USH2A: variants seen among roughly 807,000 people sequenced by gnomAD.
The protein encoded by USH2A is usherin.
A neutral mutation model predicts 538.9 loss-of-function variants in USH2A; 443 were observed. The ratio of observed to expected loss-of-function variants is 0.82; its 90% CI spans 0.76 to 0.89. USH2A has a LOEUF of 0.89. Among genes scored for constraint, USH2A ranks in the 40% least tolerant of loss-of-function variants. The pLI, the probability that USH2A is intolerant of heterozygous loss-of-function variation, is 0.00. For synonymous variants in USH2A, 2,413 were observed against 2,273.5 expected (o/e 1.06, Z -1.75); for missense variants, 6,633 against 6,324.8 (o/e 1.05, Z -1.65).
intron 58 of USH2A, among the ~76,000 whole-genome samples, chr1:215,754,360 G>A (rs766812233): frequency 5.9e-5 from 9 of 152,036 alleles, no homozygotes; most frequent in Non-Finnish European, 8.8e-5. Flanking sequence ...ATGTACTAAG[G>A]CTTAGTTTAT....
chr1:215,788,836 C>A (rs1038112194), intron 51 of USH2A, among the ~76,000 whole-genome samples: 1 of 152,042 alleles, frequency 6.6e-6, no homozygotes, highest in Admixed American at 6.5e-5. Context: ...TATTTTTATA[C>A]ATTAAGCTTT....
intron 37 of USH2A, among the ~76,000 whole-genome samples, chr1:215,939,675 G>T (rs1256219368): frequency 1.3e-5 from 2 of 152,088 alleles, no homozygotes; most frequent in African/African-American, 4.8e-5. Flanking sequence ...ATCCTATGGG[G>T]TTCTCTAGAT....
At chr1:215,774,171 T>G (rs1661389485) in intron 55 of USH2A, among the ~76,000 whole-genome samples, 1 of 152,156 alleles carries the variant, frequency 6.6e-6, no homozygotes, top group Admixed American at 6.5e-5. Flanking sequence ...AAGGGACTCT[T>G]GCATTGCACA....
intron 64 of USH2A, among the ~76,000 whole-genome samples, chr1:215,661,459 C>T (rs1325156579): frequency 2.0e-5 from 3 of 152,190 alleles, no homozygotes; most frequent in Non-Finnish European, 4.4e-5. Context: ...GCTCTTCCTA[C>T]TCCCTGGGTA....
chr1:216,269,096 C>T (rs190566081), intron 11 of USH2A, among the ~76,000 whole-genome samples: 2 of 152,058 alleles, frequency 1.3e-5, no homozygotes, highest in Admixed American at 1.3e-4. Context: ...AGAATTTAAA[C>T]CTTAGAAAGA....
At chr1:216,334,211 G>C (rs1455984665) in intron 4 of USH2A, among the ~76,000 whole-genome samples, 2 of 151,982 alleles carry the variant, frequency 1.3e-5, no homozygotes, top group Non-Finnish European at 2.9e-5. Context: ...AAAGAAAGCA[G>C]AGTGAACAAA....
chr1:215,842,666 G>A (rs2102820451), intron 46 of USH2A, among the ~76,000 whole-genome samples: 1 of 112,920 alleles, frequency 8.9e-6, no homozygotes, highest in South Asian at 3.0e-4. Flanking sequence ...CAGGGACATA[G>A]ATGGAGCTGG....
chr1:215,958,728 C>A (rs1168326783), intron 37 of USH2A, among the ~76,000 whole-genome samples: 1 of 151,932 alleles, frequency 6.6e-6, no homozygotes, highest in Admixed American at 6.6e-5. Context: ...AATGTAACCT[C>A]AAAAAAACCA....
chr1:215,899,640 G>C (rs1025306751), intron 40 of USH2A, among the ~76,000 whole-genome samples: 1 of 152,112 alleles, frequency 6.6e-6, no homozygotes, highest in Non-Finnish European at 1.5e-5. Flanking sequence ...ATGAGTAGAA[G>C]CAGGAAAATG....
chr1:215,859,584 A>G (rs1399868188), intron 44 of USH2A, among the ~76,000 whole-genome samples: 2 of 152,130 alleles, frequency 1.3e-5, no homozygotes, highest in African/African-American at 2.4e-5. Context: ...TAGAAGGCCA[A>G]CTTTTCATAT....
chr1:216,375,859 G>A (rs1057225056), intron 3 of USH2A, among the ~76,000 whole-genome samples: 13 of 151,956 alleles, frequency 8.6e-5, no homozygotes, highest in African/African-American at 2.2e-4. Context: ...GTTATTACTC[G>A]GTCTAATTTA....
chr1:216,324,565 T>C (rs2037691886), intron 6 of USH2A, among the ~76,000 whole-genome samples: 1 of 152,132 alleles, frequency 6.6e-6, no homozygotes, highest in Non-Finnish European at 1.5e-5. Flanking sequence ...AAGGATTTTA[T>C]AAATCAACAT....
At position 216,117,965 on chromosome 1, in the gene USH2A, T is replaced by C. The variant is rs372962663; in HGVS notation, c.4628-20752A>G. On this transcript the variant is annotated intron_variant, in intron 21 of 71. Coordinates refer to ENST00000307340, the MANE Select transcript of USH2A (RefSeq NM_206933.4). ...TCATTTTGTTAAGATATTTCTTTGG[T>C]AAAAGTGAAAAAAAAAGTGTGGGAA... Among the ~76,000 whole-genome samples, 14 of 151,806 alleles carry C rather than the reference T, an allele frequency of 9.2e-5. 1 individual carries two copies. Among genetic ancestry groups the C allele is most frequent in the Admixed American group, 3.3e-4 (5 of 15,220 alleles).
At chr1:216,278,396 A>AT (rs1046881462) in intron 11 of USH2A, among the ~76,000 whole-genome samples, 4 of 152,110 alleles carry the variant, frequency 2.6e-5, no homozygotes, top group Non-Finnish European at 5.9e-5. Flanking sequence ...GCTAAGATTA[A>AT]TTTTTCCCTT....
intron 3 of USH2A, among the ~76,000 whole-genome samples, chr1:216,394,969 C>T (rs1029224419): frequency 4.6e-5 from 7 of 152,172 alleles, no homozygotes; most frequent in South Asian, 4.2e-4. Flanking sequence ...CCAGCCGCCT[C>T]GGCCTCCCAA....
chr1:215,940,290 G>A (rs537751414), intron 37 of USH2A, among the ~76,000 whole-genome samples: 3 of 152,006 alleles, frequency 2.0e-5, no homozygotes, highest in South Asian at 2.1e-4. Flanking sequence ...TCACTATCAC[G>A]AAATTCTGCC....
chr1:215,826,008 G>C (rs985645547), intron 47 of USH2A, among the ~76,000 whole-genome samples: 7 of 152,152 alleles, frequency 4.6e-5, no homozygotes, highest in Non-Finnish European at 1.0e-4. Context: ...GTCTGTATGA[G>C]CATAGGAAAT....
rs368483859 is a variant in USH2A at position 216,374,549 on chromosome 1, T to C, written c.652-9464A>G. On this transcript the variant is annotated intron_variant, in intron 3 of 71. Coordinates refer to ENST00000307340, the MANE Select transcript of USH2A (RefSeq NM_206933.4). ...GGCTTCCACACTGTAAAAATACAAT[T>C]TTCCCCTTTGCAATTAGCAAACATT... is the stretch of plus-strand genomic sequence containing the variant. 9.9e-5 allele frequency among the ~76,000 whole-genome samples: 15 copies of C among 152,272 alleles called. 1 individual carries two copies. Among genetic ancestry groups the C allele is most frequent in the Admixed American group, 3.9e-4 (6 of 15,292 alleles).
intron 21 of USH2A, among the ~76,000 whole-genome samples, chr1:216,130,843 C>T (rs891119900): frequency 5.6e-4 from 85 of 151,630 alleles, no homozygotes; most frequent in African/African-American, 2.0e-3. Context: ...AGTGAGATTC[C>T]TGGATCTAAT....
Sources: allele counts gnomAD v4.1 joint callset (sites outside exome capture counted in the v4.1 genomes callset), GRCh38; gene constraint gnomAD v4.1.1; transcripts MANE v1.5; gene names NCBI Gene and HGNC (gene_info 2026-07-23, HGNC 2026-07-21).